Variants in EPB41 observed in about 807,000 individuals in gnomAD.
The protein encoded by EPB41 is erythrocyte membrane protein band 4.1.
Under a neutral mutation model 108.0 loss-of-function variants are expected in EPB41, and 65 were observed. That is an observed-to-expected ratio of 0.60 (90% CI 0.49 to 0.74). EPB41 has a LOEUF of 0.74. EPB41 is among the 30% of genes least tolerant of loss of function. The pLI is 0.00. For missense variants in EPB41, 875 were observed against 1,037.0 expected (o/e 0.84, Z 2.15); for synonymous variants, 336 against 358.9 (o/e 0.94, Z 0.72).
intron 5 of EPB41, among the ~76,000 whole-genome samples, chr1:29,014,705 C>T (rs1234683783): frequency 6.6e-6 from 1 of 152,192 alleles, no homozygotes. Flanking sequence ...ACTGGGATTA[C>T]AGGTGTAACC....
At chr1:28,960,447 G>A (rs2095156502) in intron 1 of EPB41, among the ~76,000 whole-genome samples, 1 of 151,410 alleles carries the variant, frequency 6.6e-6, no homozygotes, top group South Asian at 2.1e-4. Flanking sequence ...GCTATAACTG[G>A]CCAGGCATAG....
rs1455531271 is a variant in EPB41 at position 29,086,210 on chromosome 1, A to G, written c.2185-11597A>G. On this transcript the variant is annotated intron_variant, in intron 16 of 20. Transcript: ENST00000343067. Reference sequence around the variant, plus strand: ...TAGGAAATAGAGAAAAACCACAAACAAAAAGATCGTTTGCAATCCCTTGAT... The same window carrying G: ...TAGGAAATAGAGAAAAACCACAAACGAAAAGATCGTTTGCAATCCCTTGAT... 2.0e-5 allele frequency among the ~76,000 whole-genome samples: 3 copies of G among 152,052 alleles called. No individual in the cohort carries two copies. The East Asian group carries it at 5.8e-4, about 29-fold the overall frequency.
At chr1:29,072,150 G>A (rs1388731376) in intron 16 of EPB41, 3 of 152,048 alleles carry the variant, frequency 2.0e-5, no homozygotes, top group Non-Finnish European at 2.9e-5. Flanking sequence ...TTTGGTGTGC[G>A]TATATATCTT....
At chr1:29,057,293 G>A (rs1349123325) in intron 12 of EPB41, among the ~76,000 whole-genome samples, 1 of 145,794 alleles carries the variant, frequency 6.9e-6, no homozygotes, top group Non-Finnish European at 1.5e-5. Context: ...GGAGAATGGC[G>A]TGAACCCGGG....
chr1:29,055,246 T>A (rs1211330618), intron 12 of EPB41, among the ~76,000 whole-genome samples: 1 of 152,166 alleles, frequency 6.6e-6, no homozygotes, highest in Non-Finnish European at 1.5e-5. Flanking sequence ...GTTCTTAATG[T>A]TAGAATATCT....
Position 28,987,748 on chromosome 1 carries a change from C to A in EPB41, c.311C>A (p.Ser104Ter). The A allele has an allele frequency of 6.2e-7, 1 of 1,614,070 alleles. No individual in the cohort carries two copies. The highest frequency in any genetic ancestry group is 8.5e-7 in the Non-Finnish European group (1 of 1,180,028). ...GAGGAAGAAGGCAAAGAAGTAGAGT[C>A]AGATAAAGAAAAAGGTGAAGGAGGT... ...VSEEEGKEVE[S>*]DKEKGEGGQK... Residue 104 changes from serine to a stop codon, truncating the protein, a stop_gained, in exon 2 of 21, where the codon TCA becomes TAA. Coordinates refer to ENST00000343067, the MANE Select transcript of EPB41 (RefSeq NM_001376013.1). LOFTEE classifies it high-confidence loss of function.
intron 1 of EPB41, among the ~76,000 whole-genome samples, chr1:28,939,292 A>C (rs1340132828): frequency 1.3e-5 from 2 of 152,128 alleles, no homozygotes; most frequent in African/African-American, 2.4e-5. Context: ...GGTGTGGTGT[A>C]GTGCATTGAT....
At chr1:29,019,173 T>C (rs1329876184) in intron 7 of EPB41, among the ~76,000 whole-genome samples, 1 of 152,098 alleles carries the variant, frequency 6.6e-6, no homozygotes, top group African/African-American at 2.4e-5. Context: ...CCTAGCACTT[T>C]GGGAGGCCGA....
intron 1 of EPB41, chr1:28,890,881 G>A (rs2147812017): frequency 2.1e-6 from 2 of 975,064 alleles, no homozygotes; most frequent in Non-Finnish European, 2.4e-6. Flanking sequence ...GTACTGAGGT[G>A]CCCACATTGC....
intron 1 of EPB41, among the ~76,000 whole-genome samples, chr1:28,915,111 C>A (rs2092519179): frequency 6.6e-6 from 1 of 152,070 alleles, no homozygotes; most frequent in African/African-American, 2.4e-5. Flanking sequence ...CGGGAGGAAA[C>A]CAAATGCGGA....
intron 17 of EPB41, among the ~76,000 whole-genome samples, chr1:29,106,564 ATTTTTTTTTTTTTTT>A (rs1187973613): frequency 3.9e-5 from 2 of 50,884 alleles, no homozygotes; most frequent in African/African-American, 8.5e-5. Context: ...AGTAGCTGGG[ATTTTTTTTTTTTTTT>A]TTTTTTTTTT....
intron 19 of EPB41, among the ~76,000 whole-genome samples, chr1:29,114,636 T>TAA (rs62666661): frequency 2.2e-4 from 17 of 77,736 alleles, no homozygotes; most frequent in African/African-American, 7.5e-4. Flanking sequence ...AGACTCCGTC[T>TAA]AAAAAAAAAA....
chr1:28,961,034 C>CA (rs1272961367), intron 1 of EPB41, among the ~76,000 whole-genome samples: 1,927 of 50,884 alleles, frequency 0.038, 15 homozygotes, highest in South Asian at 0.045. Context: ...AACCCTGTCT[C>CA]AAAAAAAAAA....
At chr1:29,055,821 G>A (rs1002163289) in intron 12 of EPB41, among the ~76,000 whole-genome samples, 5 of 150,118 alleles carry the variant, frequency 3.3e-5, no homozygotes, top group Non-Finnish European at 5.9e-5. Flanking sequence ...CCAGCTATTT[G>A]GGAGGCTGAG....
chr1:29,002,529 T>A (rs1428649244), intron 4 of EPB41, among the ~76,000 whole-genome samples: 1 of 152,298 alleles, frequency 6.6e-6, no homozygotes, highest in East Asian at 1.9e-4. Flanking sequence ...AAAGAAAAGA[T>A]TTATGTGTCA....
intron 1 of EPB41, 89 bp downstream of exon 1, chr1:28,914,857 G>C (rs909762505): frequency 6.6e-6 from 1 of 152,096 alleles, no homozygotes; most frequent in Non-Finnish European, 1.5e-5. Flanking sequence ...CCGCGGCGGC[G>C]CTGCAGCCTC....
intron 5 of EPB41, among the ~76,000 whole-genome samples, chr1:29,012,292 A>T (rs375911086): frequency 7.9e-5 from 12 of 152,220 alleles, no homozygotes; most frequent in Non-Finnish European, 1.3e-4. Flanking sequence ...GCCGTATCCT[A>T]TTCCTTTGAA....
intron 12 of EPB41, among the ~76,000 whole-genome samples, chr1:29,054,831 G>T (rs2150791690): frequency 6.6e-6 from 1 of 152,270 alleles, no homozygotes; most frequent in Non-Finnish European, 1.5e-5. Context: ...CAGCCTGGGT[G>T]ACAAAGTGAG....
intron 1 of EPB41, among the ~76,000 whole-genome samples, chr1:28,987,224 T>C (rs778856705): frequency 2.6e-5 from 4 of 152,236 alleles, no homozygotes; most frequent in African/African-American, 4.8e-5. Context: ...TGCATATCTT[T>C]AGTGACTCAA....
Sources: allele counts gnomAD v4.1 joint callset (sites outside exome capture counted in the v4.1 genomes callset), GRCh38; gene constraint gnomAD v4.1.1; transcripts MANE v1.5; gene names NCBI Gene and HGNC (gene_info 2026-07-23, HGNC 2026-07-21).